Variants in CLVS1 observed in about 807,000 individuals in gnomAD.
CLVS1 encodes the protein clavesin-1.
A neutral mutation model predicts 33.1 loss-of-function variants in CLVS1; 10 were observed. The observed-to-expected ratio is 0.30, with a 90% CI of 0.19 to 0.51. The LOEUF is 0.51. Ranked by LOEUF, CLVS1 falls within the 20% of genes least tolerant of loss-of-function variation. The probability of loss-of-function intolerance (pLI) is 0.97; values close to 1 mark genes in which losing one functional copy is unlikely to be tolerated. For missense variants in CLVS1, 343 were observed against 433.4 expected (o/e 0.79, Z 1.85); for synonymous variants, 163 against 166.1 (o/e 0.98, Z 0.14).
chr8:61,307,986 A>T (rs1810690622), intron 2 of CLVS1, among the ~76,000 whole-genome samples: 1 of 152,192 alleles, frequency 6.6e-6, no homozygotes, highest in Admixed American at 6.5e-5. Context: ...AGAAGGCAGG[A>T]TCAGTATTAT....
At chr8:61,305,708 C>T (rs946376442) in intron 2 of CLVS1, among the ~76,000 whole-genome samples, 1 of 152,132 alleles carries the variant, frequency 6.6e-6, no homozygotes, top group African/African-American at 2.4e-5. Flanking sequence ...TCCCTCCTCC[C>T]ACTCTCTACC....
chr8:61,035,938 C>G, the CLVS1 span, among the ~76,000 whole-genome samples: 1 of 152,286 alleles, frequency 6.6e-6, no homozygotes, highest in African/African-American at 2.4e-5. Flanking sequence ...GCACCTGATG[C>G]ATTTTGCTCT....
At chr8:61,203,302 T>C in intron 2 of CLVS1, 1 of 726,304 alleles carries the variant, frequency 1.4e-6, no homozygotes, top group South Asian at 1.4e-5. Flanking sequence ...CTGGCTGTCC[T>C]TTTTATAATG....
chr8:61,117,920 T>C (rs1805764862), intron 1 of CLVS1, among the ~76,000 whole-genome samples: 1 of 152,116 alleles, frequency 6.6e-6, no homozygotes, highest in South Asian at 2.1e-4. Context: ...TCTTTTTCTA[T>C]TGATTGGAAT....
chr8:61,387,712 G>A (rs1055593202), intron 3 of CLVS1, among the ~76,000 whole-genome samples: 3 of 152,070 alleles, frequency 2.0e-5, no homozygotes, highest in Non-Finnish European at 2.9e-5. Context: ...TCACATTTAT[G>A]AGTGAGAGCA....
intron 2 of CLVS1, among the ~76,000 whole-genome samples, chr8:61,365,758 T>TGC (rs1353557687): frequency 6.9e-6 from 1 of 144,892 alleles, no homozygotes; most frequent in Non-Finnish European, 1.5e-5. Flanking sequence ...TTACAGGGTG[T>TGC]GTGTGTGTGT....
intron 2 of CLVS1, chr8:61,202,303 T>C (rs1807749865): frequency 9.2e-6 from 6 of 651,532 alleles, no homozygotes; most frequent in Admixed American, 4.8e-5. Flanking sequence ...GCAGCATTCG[T>C]TTATCTTCGT....
intron 1 of CLVS1, chr8:61,057,238 A>G (rs1390624641): frequency 6.6e-6 from 1 of 152,196 alleles, no homozygotes; most frequent in African/African-American, 2.4e-5. Context: ...AGTGTAAGTC[A>G]ACTTAGCTAA....
At chr8:61,250,460 C>T (rs1333110445) in intron 2 of CLVS1, among the ~76,000 whole-genome samples, 1 of 152,166 alleles carries the variant, frequency 6.6e-6, no homozygotes, top group Non-Finnish European at 1.5e-5. Flanking sequence ...TGAAGAAAGT[C>T]AGTGGTAGCT....
chr8:61,249,929 A>G (rs1426063308), intron 2 of CLVS1, among the ~76,000 whole-genome samples: 1 of 152,070 alleles, frequency 6.6e-6, no homozygotes, highest in African/African-American at 2.4e-5. Flanking sequence ...ATTCGATCCC[A>G]TTTGTCAATT....
intron 2 of CLVS1, among the ~76,000 whole-genome samples, chr8:61,151,927 G>T (rs533405990): frequency 6.6e-6 from 1 of 152,272 alleles, no homozygotes; most frequent in East Asian, 1.9e-4. Flanking sequence ...TTAGAGGAAG[G>T]CAGACGTCAG....
intron 2 of CLVS1, among the ~76,000 whole-genome samples, chr8:61,355,961 T>C (rs992137221): frequency 6.6e-6 from 1 of 152,250 alleles, no homozygotes; most frequent in African/African-American, 2.4e-5. Context: ...ATGGTATTTC[T>C]ACTTCTAGAT....
chr8:61,081,506 T>A (rs1280776560), intron 1 of CLVS1, among the ~76,000 whole-genome samples: 1 of 152,178 alleles, frequency 6.6e-6, no homozygotes, highest in East Asian at 1.9e-4. Context: ...GGAGGATTGC[T>A]GCAGGATTTT....
rs1007266418 is a variant in CLVS1 at position 61,079,093 on chromosome 8, C to T, written c.-243+21863C>T. Among the ~76,000 whole-genome samples the T allele has an allele frequency of 4.6e-5, 7 of 152,088 alleles. No individual in the cohort carries two copies. The South Asian group carries it at 1.0e-3, about 23-fold the overall frequency. On this transcript the variant is annotated intron_variant, in intron 1 of 2. Transcript: ENST00000522621. ...CGTTATTGGGGGAAAACTCAAAAAC[C>T]GTCTGGTTTAGATTATAAAATATAA... is the stretch of plus-strand genomic sequence containing the variant.
At chr8:61,463,247 G>T (rs1411298895) in intron 5 of CLVS1, among the ~76,000 whole-genome samples, 1 of 152,140 alleles carries the variant, frequency 6.6e-6, no homozygotes, top group Non-Finnish European at 1.5e-5. Context: ...TTAGGCTTTG[G>T]CTTAAGGAAA....
At chr8:61,456,227 C>T (rs1301750191) in intron 4 of CLVS1, among the ~76,000 whole-genome samples, 1 of 152,126 alleles carries the variant, frequency 6.6e-6, no homozygotes, top group Non-Finnish European at 1.5e-5. Context: ...TCCACAAGAC[C>T]CCCAGAAGGG....
the CLVS1 span, among the ~76,000 whole-genome samples, chr8:61,024,701 C>T: frequency 2.6e-5 from 4 of 151,964 alleles, no homozygotes; most frequent in African/African-American, 9.7e-5. Context: ...TTTTGCTTTC[C>T]CAGGAGGACT....
At chr8:61,352,587 T>C (rs1385507985) in intron 2 of CLVS1, among the ~76,000 whole-genome samples, 2 of 151,950 alleles carry the variant, frequency 1.3e-5, no homozygotes, top group Non-Finnish European at 2.9e-5. Context: ...AAAGATGGAT[T>C]TAAAAAAATA....
chr8:61,416,569 AAC>A (rs902958396), intron 3 of CLVS1, among the ~76,000 whole-genome samples: 3 of 152,204 alleles, frequency 2.0e-5, no homozygotes, highest in African/African-American at 4.8e-5. Context: ...GAGCAAGAGA[AAC>A]ACCCAAGAAG....
Sources: allele counts gnomAD v4.1 joint callset (sites outside exome capture counted in the v4.1 genomes callset), GRCh38; gene constraint gnomAD v4.1.1; transcripts MANE v1.5; gene names NCBI Gene and HGNC (gene_info 2026-07-23, HGNC 2026-07-21).